The following PDS5B variants were observed in gnomAD, a reference collection of about 807,000 sequenced individuals.
PDS5B encodes the protein sister chromatid cohesion protein PDS5 homolog B.
In PDS5B, 51 loss-of-function variants were observed where a neutral mutation model predicts 184.1. The ratio of observed to expected loss-of-function variants is 0.28; its 90% CI spans 0.22 to 0.35. The LOEUF (loss-of-function observed/expected upper bound fraction) is 0.35. Among genes scored for constraint, PDS5B ranks in the 10% least tolerant of loss-of-function variants. PDS5B has a pLI of 1.00. For missense variants in PDS5B, 1,180 were observed against 1,723.3 expected (o/e 0.68, Z 5.58); for synonymous variants, 566 against 569.2 (o/e 0.99, Z 0.08).
chr13:32,696,774 C>A, intron 14 of PDS5B, 80 bp from the exon 15 acceptor site: 1 of 926,492 alleles, frequency 1.1e-6, no homozygotes, highest in Non-Finnish European at 1.8e-6. Flanking sequence ...GTGGGTTATG[C>A]TTGTCTAATT....
chr13:32,625,635 AT>A (rs2058359401), intron 1 of PDS5B, among the ~76,000 whole-genome samples: 1 of 152,046 alleles, frequency 6.6e-6, no homozygotes, highest in South Asian at 2.1e-4. Context: ...CATTGAAATA[AT>A]TTCTTAGGCT....
chr13:32,687,950 T>A (rs1270869134), intron 12 of PDS5B, among the ~76,000 whole-genome samples: 1 of 152,182 alleles, frequency 6.6e-6, no homozygotes, highest in African/African-American at 2.4e-5. Context: ...TGAAACTTTA[T>A]AGTTGTTTTT....
intron 1 of PDS5B, among the ~76,000 whole-genome samples, chr13:32,645,126 C>T (rs951056593): frequency 1.3e-5 from 2 of 152,124 alleles, no homozygotes; most frequent in African/African-American, 2.4e-5. Flanking sequence ...ATCTTGTCAC[C>T]TCAACTTGGC....
chr13:32,771,028 T>A lies in PDS5B; in HGVS notation c.4172+267T>A, dbSNP rs1358387913. On this transcript the variant is annotated intron_variant, in intron 33 of 34. Transcript: ENST00000315596. ...GACTTTATGATATCTAAAGAAATCA[T>A]AAGGTATTTTTAAATAATCACCACA... 17 of 320,060 alleles carry A rather than the reference T, an allele frequency of 5.3e-5. No homozygotes were observed. The East Asian group carries it at 9.7e-4, about 18-fold the overall frequency. The allele number at this position is 320,060 out of a possible 1,614,324, so 19.8% of individuals were successfully genotyped here. A position where few individuals can be genotyped will look rare whatever the true frequency, so the allele number is the denominator to read the frequency against.
chr13:32,646,510 G>A (rs1427639980), intron 1 of PDS5B, among the ~76,000 whole-genome samples: 2 of 150,694 alleles, frequency 1.3e-5, no homozygotes, highest in African/African-American at 2.4e-5. Flanking sequence ...TATGTCTTAC[G>A]GTGGACAAAC....
chr13:32,677,622 C>T (rs1031077068), intron 9 of PDS5B, among the ~76,000 whole-genome samples: 1 of 151,632 alleles, frequency 6.6e-6, no homozygotes, highest in African/African-American at 2.4e-5. Context: ...CTGTATGGGA[C>T]CAGAGGCTAG....
intron 1 of PDS5B, among the ~76,000 whole-genome samples, chr13:32,645,912 G>A (rs1050232206): frequency 1.3e-5 from 2 of 151,940 alleles, no homozygotes; most frequent in African/African-American, 2.4e-5. Context: ...CTCTGTTTTC[G>A]AGCTTATAAA....
intron 3 of PDS5B, among the ~76,000 whole-genome samples, chr13:32,656,182 A>G (rs1950507289): frequency 6.8e-6 from 1 of 147,818 alleles, no homozygotes; most frequent in Non-Finnish European, 1.5e-5. Flanking sequence ...CCATTGTTGT[A>G]TGTGTCTGTT....
At chr13:32,638,962 C>T (rs916965856) in intron 1 of PDS5B, among the ~76,000 whole-genome samples, 1 of 151,042 alleles carries the variant, frequency 6.6e-6, no homozygotes, top group Admixed American at 6.6e-5. Flanking sequence ...TACATGGGGG[C>T]GTGGGGCGGG....
intron 1 of PDS5B, among the ~76,000 whole-genome samples, chr13:32,646,663 T>G (rs1950235992): frequency 6.6e-6 from 1 of 152,088 alleles, no homozygotes; most frequent in African/African-American, 2.4e-5. Context: ...ATGTATCCAC[T>G]TTTTTCATTG....
intron 8 of PDS5B, among the ~76,000 whole-genome samples, chr13:32,674,094 T>C (rs906572311): frequency 3.9e-5 from 6 of 152,188 alleles, no homozygotes; most frequent in Non-Finnish European, 8.8e-5. Context: ...ATTACAGGCA[T>C]AAACCACCAC....
At chr13:32,704,840 G>C (rs770844764) in intron 17 of PDS5B, among the ~76,000 whole-genome samples, 1 of 152,068 alleles carries the variant, frequency 6.6e-6, no homozygotes, top group Non-Finnish European at 1.5e-5. Context: ...CAACTTTTTA[G>C]TTATGTTTTT....
intron 25 of PDS5B, among the ~76,000 whole-genome samples, chr13:32,754,994 T>G (rs1240058992): frequency 6.6e-6 from 1 of 152,182 alleles, no homozygotes; most frequent in East Asian, 1.9e-4. Flanking sequence ...TTCACCAGAT[T>G]TTGAACTGTG....
intron 1 of PDS5B, among the ~76,000 whole-genome samples, chr13:32,617,763 G>A (rs1238273727): frequency 6.6e-6 from 1 of 152,188 alleles, no homozygotes; most frequent in Non-Finnish European, 1.5e-5. Flanking sequence ...AACATGTCAA[G>A]TGTTTATTGG....
intron 14 of PDS5B, among the ~76,000 whole-genome samples, chr13:32,695,317 G>A (rs942507876): frequency 2.0e-5 from 3 of 151,640 alleles, no homozygotes; most frequent in Admixed American, 6.6e-5. Context: ...TGAGTTTATC[G>A]AACCTGTTAA....
At chr13:32,680,356 T>C (rs1256483044) in intron 10 of PDS5B, among the ~76,000 whole-genome samples, 1 of 152,232 alleles carries the variant, frequency 6.6e-6, no homozygotes, top group Non-Finnish European at 1.5e-5. Flanking sequence ...ACTTCACTTT[T>C]GGGTGATCAG....
chr13:32,696,079 GAATT>G (rs1216589241), intron 14 of PDS5B, among the ~76,000 whole-genome samples: 1 of 152,012 alleles, frequency 6.6e-6, no homozygotes, highest in Non-Finnish European at 1.5e-5. Context: ...AAATAGTTGG[GAATT>G]AATTCTTGAA....
intron 1 of PDS5B, among the ~76,000 whole-genome samples, chr13:32,626,882 G>A (rs2058378730): frequency 6.6e-6 from 1 of 152,118 alleles, no homozygotes; most frequent in Non-Finnish European, 1.5e-5. Context: ...CCCTTTTTAT[G>A]CTTAAATAGT....
At chr13:32,709,211 A>G (rs987681591) in intron 18 of PDS5B, among the ~76,000 whole-genome samples, 2 of 151,316 alleles carry the variant, frequency 1.3e-5, no homozygotes, top group African/African-American at 4.9e-5. Flanking sequence ...TGTTTATTTT[A>G]TGCTTTAAAA....
Sources: allele counts gnomAD v4.1 joint callset (sites outside exome capture counted in the v4.1 genomes callset), GRCh38; gene constraint gnomAD v4.1.1; transcripts MANE v1.5; gene names NCBI Gene and HGNC (gene_info 2026-07-23, HGNC 2026-07-21).